KDM2A: variants seen among roughly 807,000 people sequenced by gnomAD.
KDM2A encodes lysine-specific demethylase 2A.
In KDM2A, 3 loss-of-function variants were observed where a neutral mutation model predicts 137.3. The ratio of observed to expected loss-of-function variants is 0.02; its 90% CI spans 0.01 to 0.06. The LOEUF is 0.06. Among genes scored for constraint, KDM2A ranks in the 10% least tolerant of loss-of-function variants. KDM2A has a pLI of 1.00. For synonymous variants in KDM2A, 512 were observed against 541.5 expected, an observed-to-expected ratio of 0.95 and a Z score of 0.76; for missense variants, 738 against 1,510.6, an observed-to-expected ratio of 0.49 and a Z score of 8.48.
chr11:67,241,753 G>A (rs1450076009), intron 12 of KDM2A, among the ~76,000 whole-genome samples: 1 of 152,144 alleles, frequency 6.6e-6, no homozygotes, highest in African/African-American at 2.4e-5. Flanking sequence ...GAAGATTTGG[G>A]TTTCAGGAGT....
intron 16 of KDM2A, among the ~76,000 whole-genome samples, chr11:67,248,793 C>T (rs72928976): frequency 2.0e-5 from 3 of 152,326 alleles, no homozygotes; most frequent in Non-Finnish European, 2.9e-5. Context: ...TTTTTGTCAT[C>T]TTCACTTTTG....
intron 2 of KDM2A, among the ~76,000 whole-genome samples, chr11:67,122,603 G>T (rs1176322780): frequency 6.6e-6 from 1 of 151,852 alleles, no homozygotes; most frequent in African/African-American, 2.4e-5. Flanking sequence ...GATTACAGAC[G>T]TGAGCCACCG....
chr11:67,236,266 G>T (rs1215097465), intron 12 of KDM2A, among the ~76,000 whole-genome samples: 1 of 152,098 alleles, frequency 6.6e-6, no homozygotes, highest in Non-Finnish European at 1.5e-5. Context: ...GAGTAGCTGG[G>T]ATTATAGGTG....
chr11:67,160,130 A>G (rs556537000), intron 2 of KDM2A, among the ~76,000 whole-genome samples: 5 of 152,234 alleles, frequency 3.3e-5, no homozygotes, highest in African/African-American at 9.6e-5. Context: ...CTGTTGGTCT[A>G]TTAGGACTAA....
At chr11:67,170,931 G>C (rs74370496) in intron 2 of KDM2A, among the ~76,000 whole-genome samples, 1 of 152,090 alleles carries the variant, frequency 6.6e-6, no homozygotes, top group African/African-American at 2.4e-5. Context: ...AAGTACCTGG[G>C]TTCTAGATCC....
At chr11:67,157,471 G>A (rs1344156273) in intron 2 of KDM2A, among the ~76,000 whole-genome samples, 3 of 151,654 alleles carry the variant, frequency 2.0e-5, no homozygotes, top group African/African-American at 2.4e-5. Context: ...GTGGCCGGGT[G>A]CAGTGGCTCA....
At chr11:67,175,540 A>G (rs1419282534) in intron 2 of KDM2A, among the ~76,000 whole-genome samples, 1 of 152,250 alleles carries the variant, frequency 6.6e-6, no homozygotes, top group Non-Finnish European at 1.5e-5. Context: ...GTTGTCTTTA[A>G]TAAATGGGAA....
chr11:67,215,216 G>T, intron 6 of KDM2A, 124 bp from the exon 7 acceptor site: 3 of 564,442 alleles, frequency 5.3e-6, no homozygotes, highest in African/African-American at 1.9e-5. Context: ...TTTTTAATTT[G>T]CTTATAATTA....
intron 2 of KDM2A, among the ~76,000 whole-genome samples, chr11:67,152,962 A>G (rs1407285654): frequency 2.1e-5 from 3 of 140,612 alleles, no homozygotes; most frequent in Admixed American, 1.5e-4. Flanking sequence ...GTTTTCAGGA[A>G]TTCCTCTTAT....
chr11:67,221,553 A>G (rs575460129), intron 10 of KDM2A, among the ~76,000 whole-genome samples: 1 of 152,338 alleles, frequency 6.6e-6, no homozygotes, highest in South Asian at 2.1e-4. Context: ...ACGTATCACT[A>G]TACACATCAT....
chr11:67,172,616 T>TTGTGTGTGTGTGTG (rs35333315), intron 2 of KDM2A, among the ~76,000 whole-genome samples: 1 of 146,422 alleles, frequency 6.8e-6, no homozygotes, highest in African/African-American at 2.5e-5. Flanking sequence ...GCTCTTATAG[T>TTGTGTGTGTGTGTG]TGTGTGTGTG....
At chr11:67,174,388 AC>A (rs1856937406) in intron 2 of KDM2A, among the ~76,000 whole-genome samples, 2 of 152,300 alleles carry the variant, frequency 1.3e-5, no homozygotes, top group South Asian at 4.1e-4. Context: ...CCCAACTCTT[AC>A]CTGCTTTTTT....
intron 10 of KDM2A, among the ~76,000 whole-genome samples, chr11:67,225,053 CTT>C (rs1231263928): frequency 2.0e-5 from 3 of 151,798 alleles, no homozygotes; most frequent in Non-Finnish European, 4.4e-5. Context: ...GTCTCGAACT[CTT>C]GACCTCAGGT....
At chr11:67,127,549 T>TA (rs1265120301) in intron 2 of KDM2A, among the ~76,000 whole-genome samples, 1 of 152,172 alleles carries the variant, frequency 6.6e-6, no homozygotes, top group African/African-American at 2.4e-5. Flanking sequence ...TAACCTGTCT[T>TA]ACATATAATT....
Position 67,228,174 on chromosome 11 carries a change from T to G in KDM2A, c.1084+11T>G. The G allele has an allele frequency of 6.2e-7, 1 of 1,613,496 alleles. No homozygotes were observed. The highest frequency in any genetic ancestry group is 8.5e-7 in the Non-Finnish European group (1 of 1,179,518). On this transcript the variant is annotated intron_variant, in intron 11 of 20. Coordinates refer to ENST00000529006, the MANE Select transcript of KDM2A (RefSeq NM_012308.3). ...AGTCCCTCAGCATGGGTAAGTATTCTGCCTATAGGAGCTTTGAAGACACCG... is the reference window on the plus strand; with the variant it reads ...AGTCCCTCAGCATGGGTAAGTATTCGGCCTATAGGAGCTTTGAAGACACCG...
At chr11:67,121,939 AAG>A (rs376441434) in intron 2 of KDM2A, among the ~76,000 whole-genome samples, 108 of 152,316 alleles carry the variant, frequency 7.1e-4, no homozygotes, top group African/African-American at 2.4e-3. Flanking sequence ...ATCTTGTTGA[AAG>A]AAATTTTAGA....
intron 2 of KDM2A, among the ~76,000 whole-genome samples, chr11:67,147,010 A>G (rs537401875): frequency 6.6e-6 from 1 of 152,272 alleles, no homozygotes; most frequent in South Asian, 2.1e-4. Flanking sequence ...ATTTGTAGCA[A>G]TAGTTAAAAT....
chr11:67,234,731 T>C (rs987858418), intron 12 of KDM2A, among the ~76,000 whole-genome samples: 1 of 152,162 alleles, frequency 6.6e-6, no homozygotes, highest in Non-Finnish European at 1.5e-5. Flanking sequence ...TGTGTGTTTG[T>C]GATCCCAGCT....
intron 2 of KDM2A, among the ~76,000 whole-genome samples, chr11:67,138,778 A>G (rs1856027715): frequency 1.3e-5 from 2 of 152,188 alleles, no homozygotes; most frequent in African/African-American, 4.8e-5. Flanking sequence ...GTACTGAATC[A>G]GAAAGTCTGG....
Sources: gnomAD v4.1 joint callset for allele counts (sites outside exome capture counted in the v4.1 genomes callset) on GRCh38, gnomAD v4.1.1 for gene constraint, MANE v1.5 for transcripts, NCBI Gene and HGNC (gene_info 2026-07-23, HGNC 2026-07-21) for gene names.